Variants in AP2B1 observed in about 807,000 individuals in gnomAD.
AP2B1 encodes adaptor related protein complex 2 subunit beta 1, also known as AP-2 complex subunit beta.
AP2B1 carries 23 observed loss-of-function variants against 102.0 expected under a neutral mutation model. The ratio of observed to expected loss-of-function variants is 0.23; its 90% CI spans 0.16 to 0.32. The LOEUF is 0.32. Ranked by LOEUF, AP2B1 falls within the 10% of genes least tolerant of loss-of-function variation. AP2B1 has a pLI of 1.00. For missense variants in AP2B1, 541 were observed against 1,157.4 expected (o/e 0.47, Z 7.73); for synonymous variants, 381 against 421.2 (o/e 0.90, Z 1.17).
chr17:35,680,059 C>T (rs998623623), intron 17 of AP2B1, among the ~76,000 whole-genome samples: 1 of 151,784 alleles, frequency 6.6e-6, no homozygotes, highest in Non-Finnish European at 1.5e-5. Flanking sequence ...CCCACGACCA[C>T]GCCCGACTAA....
At chr17:35,592,891 T>C (rs936247663) in intron 1 of AP2B1, among the ~76,000 whole-genome samples, 25 of 152,190 alleles carry the variant, frequency 1.6e-4, no homozygotes, top group African/African-American at 6.0e-4. Context: ...CAAAGTCTTA[T>C]AGTTTCTCAA....
At chr17:35,709,342 C>G (rs782447054) in intron 19 of AP2B1, 34 bp downstream of exon 19, 3 of 1,566,004 alleles carry the variant, frequency 1.9e-6, no homozygotes, top group African/African-American at 2.7e-5. Context: ...GCTGAATATA[C>G]CTTTGCCCTT....
At chr17:35,664,725 T>C (rs2075427080) in intron 14 of AP2B1, among the ~76,000 whole-genome samples, 3 of 152,210 alleles carry the variant, frequency 2.0e-5, no homozygotes, top group Non-Finnish European at 2.9e-5. Flanking sequence ...CTTGCAACCT[T>C]ACGAAACAGT....
intron 9 of AP2B1, among the ~76,000 whole-genome samples, chr17:35,634,947 C>G (rs2142671342): frequency 6.6e-6 from 1 of 152,288 alleles, no homozygotes; most frequent in Middle Eastern, 3.4e-3. Context: ...ACTTCTATCT[C>G]CTGGCCATCC....
chr17:35,647,741 C>T (rs2074974337), intron 12 of AP2B1, among the ~76,000 whole-genome samples: 1 of 152,142 alleles, frequency 6.6e-6, no homozygotes, highest in Non-Finnish European at 1.5e-5. Flanking sequence ...GTAACTACTG[C>T]TATTGAACTG....
intron 20 of AP2B1, among the ~76,000 whole-genome samples, chr17:35,714,243 A>G (rs1555588855): frequency 6.6e-6 from 1 of 152,184 alleles, no homozygotes; most frequent in Non-Finnish European, 1.5e-5. Flanking sequence ...GAATATTTCA[A>G]AAATGGAAAC....
At chr17:35,718,091 G>A (rs1389595614) in intron 21 of AP2B1, among the ~76,000 whole-genome samples, 1 of 152,174 alleles carries the variant, frequency 6.6e-6, no homozygotes, top group African/African-American at 2.4e-5. Context: ...TGTTATGTTT[G>A]AGGGTTTTAT....
At chr17:35,613,371 C>T (rs139569421) in intron 5 of AP2B1, among the ~76,000 whole-genome samples, 2 of 152,042 alleles carry the variant, frequency 1.3e-5, no homozygotes, top group East Asian at 3.9e-4. Context: ...GACACTGTGC[C>T]TTGCTGCAGG....
intron 15 of AP2B1, among the ~76,000 whole-genome samples, chr17:35,671,178 C>G (rs2075579664): frequency 6.6e-6 from 1 of 152,128 alleles, no homozygotes; most frequent in Admixed American, 6.6e-5. Context: ...ACCCTTCCAT[C>G]TTGACTGGAG....
intron 17 of AP2B1, among the ~76,000 whole-genome samples, chr17:35,678,271 T>C (rs991472078): frequency 3.3e-5 from 5 of 152,344 alleles, no homozygotes; most frequent in Admixed American, 6.5e-5. Context: ...TACTTTTTCT[T>C]TCTAGTGGCC....
chr17:35,660,481 C>CTTTTT (rs71366472), intron 14 of AP2B1, among the ~76,000 whole-genome samples: 1 of 127,756 alleles, frequency 7.8e-6, no homozygotes, highest in African/African-American at 2.9e-5. Context: ...TTTTCTCTCT[C>CTTTTT]TTTTTTTTTT....
At chr17:35,695,996 A>G (rs1268438653) in intron 18 of AP2B1, among the ~76,000 whole-genome samples, 1 of 152,172 alleles carries the variant, frequency 6.6e-6, no homozygotes, top group Non-Finnish European at 1.5e-5. Context: ...GAATTAAGCA[A>G]CTTTCATCTG....
chr17:35,614,655 TAAAAAAA>T (rs3031833), intron 5 of AP2B1, among the ~76,000 whole-genome samples: 4 of 93,166 alleles, frequency 4.3e-5, no homozygotes, highest in South Asian at 8.5e-4. Context: ...GTTGAATTAG[TAAAAAAA>T]AAAAAAAAAA....
intron 1 of AP2B1, among the ~76,000 whole-genome samples, chr17:35,593,140 G>A (rs2073155287): frequency 6.6e-6 from 1 of 151,754 alleles, no homozygotes; most frequent in Non-Finnish European, 1.5e-5. Context: ...AATACTCTTG[G>A]GCTAAATCTG....
intron 11 of AP2B1, 37 bp from the exon 12 acceptor site, chr17:35,641,840 C>A: frequency 1.4e-6 from 2 of 1,466,616 alleles, no homozygotes; most frequent in Non-Finnish European, 9.5e-7. Context: ...AATGCCAGTG[C>A]CATTCTTTCA....
At chr17:35,618,338 C>T (rs890298700) in intron 5 of AP2B1, among the ~76,000 whole-genome samples, 4 of 152,214 alleles carry the variant, frequency 2.6e-5, no homozygotes, top group African/African-American at 9.6e-5. Context: ...AATATGTAAA[C>T]CACCTGTGTA....
rs762662078 is a variant in AP2B1 at position 35,650,681 on chromosome 17, T to A, written c.1688T>A (p.Leu563Gln). The A allele has an allele frequency of 1.2e-6, 2 of 1,614,206 alleles. No homozygotes were observed. The highest frequency in any genetic ancestry group is 4.5e-5 in the East Asian group (2 of 44,884). The change falls in exon 13 of 22, where the codon CTA becomes CAA. Residue 563 changes from leucine to glutamine, a missense_variant. This residue lies in a region of AP2B1 where 106 missense variants were observed against 296.4 expected (regional missense o/e 0.36). Transcript: ENST00000610402. ...ATTGAGCCAACTCTGCTGGATGAGC[T>A]AATCTGCCACATTGGTTCTTTGGCC... ...DLIEPTLLDELICHIGSLASV... is the reference protein window; with the variant it reads ...DLIEPTLLDEQICHIGSLASV...
chr17:35,703,782 A>G (rs958121405), intron 18 of AP2B1, among the ~76,000 whole-genome samples: 19 of 152,186 alleles, frequency 1.2e-4, no homozygotes, highest in Admixed American at 7.2e-4. Flanking sequence ...ATCTGATGAC[A>G]CAAGTTTACC....
intron 13 of AP2B1, among the ~76,000 whole-genome samples, chr17:35,654,463 G>C (rs2075168674): frequency 6.6e-6 from 1 of 152,164 alleles, no homozygotes; most frequent in Non-Finnish European, 1.5e-5. Context: ...AGCTTTAGCA[G>C]TTATCAGTAT....
Sources: gnomAD v4.1 joint callset for allele counts (sites outside exome capture counted in the v4.1 genomes callset) on GRCh38, gnomAD v4.1.1 for gene constraint, gnomAD v4.1.1 regional missense constraint, MANE v1.5 for transcripts, NCBI Gene and HGNC (gene_info 2026-07-23, HGNC 2026-07-21) for gene names.